The following LCLAT1 variants were observed in gnomAD, a reference collection of about 807,000 sequenced individuals.
LCLAT1 encodes lysocardiolipin acyltransferase 1.
In LCLAT1, 11 loss-of-function variants were observed where a neutral mutation model predicts 30.7. The observed-to-expected ratio is 0.36, with a 90% CI of 0.23 to 0.59. LCLAT1 has a LOEUF of 0.59. Ranked by LOEUF, LCLAT1 falls within the 20% of genes least tolerant of loss-of-function variation. The pLI, the probability that LCLAT1 is intolerant of heterozygous loss-of-function variation, is 0.77. For missense variants in LCLAT1, 402 were observed against 458.6 expected (o/e 0.88, Z 1.13); for synonymous variants, 155 against 151.3 (o/e 1.02, Z -0.18).
At chr2:30,623,072 G>A (rs1012022473) in intron 5 of LCLAT1, among the ~76,000 whole-genome samples, 23 of 53,946 alleles carry the variant, frequency 4.3e-4, no homozygotes, top group Non-Finnish European at 7.1e-4. Context: ...TTTTTTTTTT[G>A]AGACGGAGTC....
intron 1 of LCLAT1, among the ~76,000 whole-genome samples, chr2:30,508,064 T>C (rs2148353337): frequency 6.6e-6 from 1 of 152,336 alleles, no homozygotes; most frequent in East Asian, 1.9e-4. Context: ...TTTTTCCTCA[T>C]ATGCTCGTTG....
chr2:30,578,767 A>G (rs1444085541), intron 5 of LCLAT1, among the ~76,000 whole-genome samples: 1 of 152,200 alleles, frequency 6.6e-6, no homozygotes, highest in Non-Finnish European at 1.5e-5. Context: ...ATGTGAGTAC[A>G]TGGAAATTAC....
chr2:30,625,206 C>G (rs962381458), intron 5 of LCLAT1, among the ~76,000 whole-genome samples: 86 of 152,244 alleles, frequency 5.6e-4, no homozygotes, highest in African/African-American at 2.0e-3. Flanking sequence ...GAACCAAACT[C>G]AAACCCAGCA....
chr2:30,633,063 C>T (rs1402760298), intron 5 of LCLAT1, among the ~76,000 whole-genome samples: 1 of 152,128 alleles, frequency 6.6e-6, no homozygotes, highest in Non-Finnish European at 1.5e-5. Flanking sequence ...CAAGACTGTT[C>T]TTCAAAATGT....
chr2:30,490,773 C>T (rs1683800002), intron 1 of LCLAT1, among the ~76,000 whole-genome samples: 2 of 152,126 alleles, frequency 1.3e-5, no homozygotes, highest in African/African-American at 4.8e-5. Context: ...CATCAGTATG[C>T]AGTATACACA....
chr2:30,530,394 T>C (rs1685925348), intron 2 of LCLAT1, among the ~76,000 whole-genome samples: 1 of 152,260 alleles, frequency 6.6e-6, no homozygotes, highest in African/African-American at 2.4e-5. Flanking sequence ...TGACTGGATA[T>C]GTCTCATCTG....
At chr2:30,499,013 A>C (rs541620663) in intron 1 of LCLAT1, among the ~76,000 whole-genome samples, 9 of 152,310 alleles carry the variant, frequency 5.9e-5, no homozygotes, top group Non-Finnish European at 1.3e-4. Flanking sequence ...CAGTAAGGAA[A>C]ATAAACTGTC....
At chr2:30,582,980 T>C (rs1379100719) in intron 5 of LCLAT1, among the ~76,000 whole-genome samples, 1 of 152,260 alleles carries the variant, frequency 6.6e-6, no homozygotes, top group African/African-American at 2.4e-5. Context: ...CTTCAGAACT[T>C]TTAATAATTC....
At chr2:30,633,799 G>A (rs1668884233) in intron 5 of LCLAT1, among the ~76,000 whole-genome samples, 2 of 152,198 alleles carry the variant, frequency 1.3e-5, no homozygotes, top group Admixed American at 1.3e-4. Context: ...TAAAAAAATT[G>A]TGTTATTCTG....
At chr2:30,552,009 C>T (rs1664702432) in intron 3 of LCLAT1, among the ~76,000 whole-genome samples, 1 of 152,168 alleles carries the variant, frequency 6.6e-6, no homozygotes, top group Non-Finnish European at 1.5e-5. Flanking sequence ...AGTGCCTTCA[C>T]AGTTCCAGGA....
intron 1 of LCLAT1, among the ~76,000 whole-genome samples, chr2:30,456,770 G>A (rs1452661317): frequency 6.6e-6 from 1 of 152,122 alleles, no homozygotes; most frequent in East Asian, 1.9e-4. Flanking sequence ...TACCTGGTTT[G>A]CCTTATCTGT....
At chr2:30,632,680 A>AGCTT (rs1668824505) in intron 5 of LCLAT1, among the ~76,000 whole-genome samples, 2 of 152,236 alleles carry the variant, frequency 1.3e-5, no homozygotes, top group South Asian at 4.1e-4. Context: ...GTATGTGCCC[A>AGCTT]ACACTTCTCT....
At chr2:30,483,446 A>G (rs555655500) in intron 1 of LCLAT1, among the ~76,000 whole-genome samples, 1 of 152,360 alleles carries the variant, frequency 6.6e-6, no homozygotes, top group South Asian at 2.1e-4. Flanking sequence ...CTCTGATTAT[A>G]TGATTCAACC....
rs1681849587 is a variant in LCLAT1 at position 30,456,594 on chromosome 2, G to A, written c.-5+9211G>A. Among the ~76,000 whole-genome samples, 4 of 152,256 alleles carry A rather than the reference G, an allele frequency of 2.6e-5. No homozygotes were observed. The South Asian group carries it at 8.3e-4, about 32-fold the overall frequency. ...GCCACGGTTTTTTTCTGTGATATTG[G>A]CTGGAGGGCATGTTGTTTATTGCTC... On this transcript the variant is annotated intron_variant, in intron 1 of 5. Transcript: ENST00000379509.
chr2:30,490,920 A>G (rs1400373509), intron 1 of LCLAT1, among the ~76,000 whole-genome samples: 1 of 152,222 alleles, frequency 6.6e-6, no homozygotes, highest in Non-Finnish European at 1.5e-5. Flanking sequence ...GATTTCAAAG[A>G]CTTAGTATGA....
chr2:30,516,058 C>T (rs1200322525), intron 1 of LCLAT1, among the ~76,000 whole-genome samples: 1 of 152,168 alleles, frequency 6.6e-6, no homozygotes, highest in Non-Finnish European at 1.5e-5. Flanking sequence ...TAACTCAGCT[C>T]ACACCTGACC....
At chr2:30,491,340 C>G (rs1298075239) in intron 1 of LCLAT1, among the ~76,000 whole-genome samples, 1 of 152,182 alleles carries the variant, frequency 6.6e-6, no homozygotes, top group Non-Finnish European at 1.5e-5. Flanking sequence ...CTCTTCTAAG[C>G]ACTTTACATA....
chr2:30,484,981 A>G (rs1361106891), intron 1 of LCLAT1, among the ~76,000 whole-genome samples: 1 of 152,102 alleles, frequency 6.6e-6, no homozygotes, highest in African/African-American at 2.4e-5. Context: ...AAAAACAGTA[A>G]CTCACTTAAG....
At chr2:30,638,104 C>G (rs952778213) in intron 5 of LCLAT1, among the ~76,000 whole-genome samples, 3 of 152,186 alleles carry the variant, frequency 2.0e-5, no homozygotes, top group African/African-American at 7.2e-5. Flanking sequence ...TTTTGTAATT[C>G]AGTTATGAAA....
Sources: gnomAD v4.1 joint callset for allele counts (sites outside exome capture counted in the v4.1 genomes callset) on GRCh38, gnomAD v4.1.1 for gene constraint, MANE v1.5 for transcripts, NCBI Gene and HGNC (gene_info 2026-07-23, HGNC 2026-07-21) for gene names.